Variants in OGFRL1 observed in about 807,000 individuals in gnomAD.
The protein encoded by OGFRL1 is opioid growth factor receptor-like protein 1.
A neutral mutation model predicts 32.4 loss-of-function variants in OGFRL1; 26 were observed. The ratio of observed to expected loss-of-function variants is 0.80; its 90% CI spans 0.59 to 1.11. OGFRL1 has a LOEUF of 1.11. Ranked by LOEUF, OGFRL1 falls within the 50% of genes most tolerant of loss-of-function variation. The pLI is 0.00. For synonymous variants in OGFRL1, 211 were observed against 201.2 expected (o/e 1.05, Z -0.41); for missense variants, 521 against 546.4 (o/e 0.95, Z 0.46).
chr6:71,305,790 A>G lies in OGFRL1; in HGVS notation c.*3741A>G, dbSNP rs893437412. The G allele has an allele frequency of 6.6e-6, 1 of 152,156 alleles. No homozygotes were observed. Among genetic ancestry groups the G allele is most frequent in the South Asian group, 2.1e-4 (1 of 4,832 alleles). The allele number at this position is 152,156 out of a possible 1,614,324, so 9.4% of individuals were successfully genotyped here. On this transcript the variant is annotated 3_prime_UTR_variant, in exon 7 of 7. Coordinates refer to ENST00000370435, the MANE Select transcript of OGFRL1 (RefSeq NM_024576.5). ...CATCTGAGTTAGTCTTTGAAAAATC[A>G]TAGTAGTAAATGAACCTCAACACTG...
At chr6:71,289,497 A>T in intron 1 of OGFRL1, 1 of 978,486 alleles carries the variant, frequency 1.0e-6, no homozygotes, top group Non-Finnish European at 1.2e-6. Context: ...GGTGGGAGGA[A>T]CCTGTCTAAA....
At chr6:71,293,428 GTT>G (rs1312015736) in intron 2 of OGFRL1, 49 bp downstream of exon 2, 1 of 1,594,050 alleles carries the variant, frequency 6.3e-7, no homozygotes, top group Admixed American at 1.7e-5. Flanking sequence ...TTTTCCTTCT[GTT>G]TTTAAATTTT....
In OGFRL1 at chr6:71,302,083, G is replaced by A. The variant is rs1397439949; in HGVS notation, c.*34G>A. 1.4e-6 allele frequency: 2 copies of A among 1,470,680 alleles called. No homozygotes were observed. Among genetic ancestry groups the A allele is most frequent in the African/African-American group, 1.4e-5 (1 of 70,594 alleles). 91.1% of individuals were successfully genotyped at this position (1,470,680 alleles called of 1,614,324 possible). A position where few individuals can be genotyped will look rare whatever the true frequency, so the allele number is the denominator to read the frequency against. On this transcript the variant is annotated 3_prime_UTR_variant, in exon 7 of 7. Coordinates refer to ENST00000370435, the MANE Select transcript of OGFRL1 (RefSeq NM_024576.5). ...AAAACCCAGAAGCCAGTTTAGGCTA[G>A]AGAGGAAAAAACTACTGTATCATTT...
At chr6:71,301,313 C>T in intron 6 of OGFRL1, 73 bp from the exon 7 acceptor site, 1 of 1,235,728 alleles carries the variant, frequency 8.1e-7, no homozygotes, top group South Asian at 1.5e-5. Flanking sequence ...AAAATATTTT[C>T]CCAATAGTTT....
At chr6:71,294,017 A>G (rs1766130013) in intron 3 of OGFRL1, among the ~76,000 whole-genome samples, 1 of 152,178 alleles carries the variant, frequency 6.6e-6, no homozygotes, top group Non-Finnish European at 1.5e-5. Flanking sequence ...CATGTGATTG[A>G]AAAGTGCTGT....
chr6:71,297,197 G>T (rs1766237616), intron 6 of OGFRL1, among the ~76,000 whole-genome samples: 1 of 151,912 alleles, frequency 6.6e-6, no homozygotes, highest in South Asian at 2.1e-4. Flanking sequence ...GGCACAATCT[G>T]TTTCTAAGCA....
At position 71,302,130 on chromosome 6, in the gene OGFRL1, G is replaced by A. The variant is rs1766419721; in HGVS notation, c.*81G>A. 3 of 1,226,178 alleles carry A rather than the reference G, an allele frequency of 2.4e-6. No individual in the cohort carries two copies. Among genetic ancestry groups the A allele is most frequent in the East Asian group, 5.2e-5 (2 of 38,224 alleles). The allele number at this position is 1,226,178 out of a possible 1,614,324, so 76.0% of individuals were successfully genotyped here. A position where few individuals can be genotyped will look rare whatever the true frequency, so the allele number is the denominator to read the frequency against. ...ATTTATCCTAAAGAACAGAGATGAG[G>A]TCAATTTCAAATTTTAGCCATCTGT... On this transcript the variant is annotated 3_prime_UTR_variant, in exon 7 of 7. Transcript: ENST00000370435.
Position 71,293,364 on chromosome 6 carries a change from C to T in OGFRL1, c.306C>T (p.Tyr102=). Reference sequence around the variant, plus strand: ...ATGCTGCCAGGGATTTGTACAAGTACCGACACCAGTACCCAGTAAGAGTAT... The same window carrying T: ...ATGCTGCCAGGGATTTGTACAAGTATCGACACCAGTACCCAGTAAGAGTAT... The part of the protein sequence containing the change: ...SFYAARDLYK[Y]RHQYPNFKDI... The change falls in exon 2 of 7, where the codon TAC becomes TAT. Residue 102 remains tyrosine, a synonymous_variant. Transcript: ENST00000370435. 1 of 1,613,732 alleles carries T rather than the reference C, an allele frequency of 6.2e-7. No individual in the cohort carries two copies. The highest frequency in any genetic ancestry group is 2.2e-5 in the East Asian group (1 of 44,844).
At position 71,301,383 on chromosome 6, in the gene OGFRL1, C is replaced by T. The variant is rs16880821; in HGVS notation, c.693-3C>T. On this transcript the variant is annotated splice_region_variant and splice_polypyrimidine_tract_variant and intron_variant, in intron 6 of 6. Coordinates refer to ENST00000370435, the MANE Select transcript of OGFRL1 (RefSeq NM_024576.5). ...ACTCATTTTATTCAATCCTCTCTTC[C>T]AGGTCCCAGCACAACTATTTAAGAA... 147,087 of 1,553,250 alleles carry T rather than the reference C, an allele frequency of 0.095. 7,364 individuals carry two copies. Among genetic ancestry groups the T allele is most frequent in the South Asian group, 0.12 (9,456 of 80,060 alleles).
intron 6 of OGFRL1, among the ~76,000 whole-genome samples, chr6:71,299,938 T>A (rs1766331528): frequency 1.3e-5 from 2 of 152,184 alleles, no homozygotes; most frequent in South Asian, 4.1e-4. Flanking sequence ...GCTTTTCCAG[T>A]GTTTGGTTAG....
At position 71,304,355 on chromosome 6, in the gene OGFRL1, T is replaced by A. The variant is rs1368732287; in HGVS notation, c.*2306T>A. 6.6e-6 allele frequency: 1 copy of A among 152,186 alleles called. No individual in the cohort carries two copies. Among genetic ancestry groups the A allele is most frequent in the Non-Finnish European group, 1.5e-5 (1 of 68,012 alleles). The allele number at this position is 152,186 out of a possible 1,614,324, so 9.4% of individuals were successfully genotyped here. A position where few individuals can be genotyped will look rare whatever the true frequency, so the allele number is the denominator to read the frequency against. On this transcript the variant is annotated 3_prime_UTR_variant, in exon 7 of 7. Transcript: ENST00000370435. ...AAACATGGACACTCTTACGTGGTGC[T>A]TGTAGCTGTGTCTCCGTAGAGCTCA...
At chr6:71,301,345 C>T (rs561443421) in intron 6 of OGFRL1, 41 bp from the exon 7 acceptor site, 2 of 1,477,636 alleles carry the variant, frequency 1.4e-6, no homozygotes, top group East Asian at 2.3e-5. Flanking sequence ...CCTTCCTACA[C>T]CTGATTTCCC....
chr6:71,301,878 G>C lies in OGFRL1; in HGVS notation c.1185G>C (p.Glu395Asp). 6.6e-7 allele frequency: 1 copy of C among 1,520,178 alleles called. No individual in the cohort carries two copies. The highest frequency in any genetic ancestry group is 1.1e-5 in the South Asian group (1 of 88,914). 94.2% of individuals were successfully genotyped at this position (1,520,178 alleles called of 1,614,324 possible). The change falls in exon 7 of 7, where the codon GAG becomes GAC. Residue 395 changes from glutamate to aspartate, a missense_variant. Transcript: ENST00000370435. ...AAGCTGCCAAGCCAAGAAATACAGAGAAGGACAGTAATGCTGAGAACATGA... is the reference window on the plus strand; with the variant it reads ...AAGCTGCCAAGCCAAGAAATACAGACAAGGACAGTAATGCTGAGAACATGA... ...SNEAAKPRNT[E>D]KDSNAENMNS...
In OGFRL1 at chr6:71,288,925, G is replaced by T; in HGVS notation, c.-12G>T. On this transcript the variant is annotated 5_prime_UTR_variant, in exon 1 of 7. Coordinates refer to ENST00000370435, the MANE Select transcript of OGFRL1 (RefSeq NM_024576.5). Reference sequence around the variant, plus strand: ...GCAGCCCCGCAGCCCCGCGCCCGCCGCCGCCTCTTCAATGGGCAACCTGCT... The same window carrying T: ...GCAGCCCCGCAGCCCCGCGCCCGCCTCCGCCTCTTCAATGGGCAACCTGCT... The T allele has an allele frequency of 1.5e-6, 2 of 1,337,354 alleles. No homozygotes were observed. The highest frequency in any genetic ancestry group is 1.6e-5 in the African/African-American group (1 of 64,424). The allele number at this position is 1,337,354 out of a possible 1,614,324, so 82.8% of individuals were successfully genotyped here. A position where few individuals can be genotyped will look rare whatever the true frequency, so the allele number is the denominator to read the frequency against.
At chr6:71,301,184 T>C (rs1335910863) in intron 6 of OGFRL1, among the ~76,000 whole-genome samples, 1 of 152,226 alleles carries the variant, frequency 6.6e-6, no homozygotes, top group Non-Finnish European at 1.5e-5. Flanking sequence ...GACTTTCACA[T>C]AGATTGACAT....
chr6:71,289,195 G>A, intron 1 of OGFRL1, 25 bp downstream of exon 1: 1 of 1,063,056 alleles, frequency 9.4e-7, no homozygotes, highest in Non-Finnish European at 1.1e-6. Context: ...GGTGGCCTCG[G>A]GTCGGGCTGG....
intron 6 of OGFRL1, among the ~76,000 whole-genome samples, chr6:71,300,033 A>G (rs1766334376): frequency 6.6e-6 from 1 of 152,180 alleles, no homozygotes; most frequent in Non-Finnish European, 1.5e-5. Context: ...GCCATCCCTT[A>G]ATTCATCAAC....
intron 1 of OGFRL1, chr6:71,289,899 G>A: frequency 1.2e-6 from 1 of 830,610 alleles, no homozygotes; most frequent in Non-Finnish European, 1.5e-6. Flanking sequence ...CCGACCCCCT[G>A]AAGAAGTGTG....
chr6:71,305,751 A>G lies in OGFRL1; in HGVS notation c.*3702A>G, dbSNP rs912070940. ...AAGTATGATGTGGTGGAAAGAAAAA[A>G]CAGTACAGTATTACATCTGAGTTAG... On this transcript the variant is annotated 3_prime_UTR_variant, in exon 7 of 7. Coordinates refer to ENST00000370435, the MANE Select transcript of OGFRL1 (RefSeq NM_024576.5). 16 of 152,126 alleles carry G rather than the reference A, an allele frequency of 1.1e-4. No homozygotes were observed. The highest frequency in any genetic ancestry group is 2.2e-4 in the Non-Finnish European group (15 of 67,978). 9.4% of individuals were successfully genotyped at this position (152,126 alleles called of 1,614,324 possible).
Sources: allele counts gnomAD v4.1 joint callset (sites outside exome capture counted in the v4.1 genomes callset), GRCh38; gene constraint gnomAD v4.1.1; transcripts MANE v1.5; gene names NCBI Gene and HGNC (gene_info 2026-07-23, HGNC 2026-07-21).